SPOCK3: variants seen among roughly 807,000 people sequenced by gnomAD.
SPOCK3 encodes the protein SPARC (osteonectin), cwcv and kazal like domains proteoglycan 3, also known as testican-3.
Under a neutral mutation model 56.6 loss-of-function variants are expected in SPOCK3, and 30 were observed. That is an observed-to-expected ratio of 0.53 (90% CI 0.40 to 0.72). SPOCK3 has a LOEUF of 0.72. Among genes scored for constraint, SPOCK3 ranks in the 30% least tolerant of loss-of-function variants. The probability of loss-of-function intolerance (pLI) is 0.00; values close to 1 mark genes in which losing one functional copy is unlikely to be tolerated. For synonymous variants in SPOCK3, 196 were observed against 183.3 expected, an observed-to-expected ratio of 1.07 and a Z score of -0.56; for missense variants, 527 against 530.0, an observed-to-expected ratio of 0.99 and a Z score of 0.06.
intron 6 of SPOCK3, among the ~76,000 whole-genome samples, chr4:166,798,899 C>T (rs767530601): frequency 1.3e-5 from 2 of 151,996 alleles, no homozygotes; most frequent in Non-Finnish European, 1.5e-5. Context: ...ATCAGATAAG[C>T]TGATTGTGCA....
chr4:166,837,034 T>A (rs890123444), intron 6 of SPOCK3, among the ~76,000 whole-genome samples: 8 of 152,218 alleles, frequency 5.3e-5, no homozygotes, highest in African/African-American at 1.9e-4. Context: ...ATGGTTCCTA[T>A]ACCTGTTGCA....
chr4:167,173,575 G>GAC (rs1730691646), intron 2 of SPOCK3, among the ~76,000 whole-genome samples: 1 of 152,076 alleles, frequency 6.6e-6, no homozygotes, highest in African/African-American at 2.4e-5. Flanking sequence ...CAAGAAAAAT[G>GAC]TGTTATAATA....
At chr4:166,992,161 T>C (rs1747861316) in intron 4 of SPOCK3, among the ~76,000 whole-genome samples, 1 of 152,032 alleles carries the variant, frequency 6.6e-6, no homozygotes, top group Non-Finnish European at 1.5e-5. Context: ...GGTAAGTGTG[T>C]TTGTGTAAAT....
intron 6 of SPOCK3, among the ~76,000 whole-genome samples, chr4:166,798,310 C>T (rs763310047): frequency 2.0e-5 from 3 of 152,130 alleles, no homozygotes; most frequent in Non-Finnish European, 4.4e-5. Context: ...GATTGTGTAA[C>T]CTCAGTTGAT....
At chr4:167,208,000 G>A (rs927942232) in intron 2 of SPOCK3, among the ~76,000 whole-genome samples, 1 of 152,120 alleles carries the variant, frequency 6.6e-6, no homozygotes, top group Non-Finnish European at 1.5e-5. Context: ...GGCCTTCTGA[G>A]CTTCTCAGGT....
intron 2 of SPOCK3, among the ~76,000 whole-genome samples, chr4:167,167,322 G>A (rs923196744): frequency 2.6e-5 from 4 of 152,190 alleles, no homozygotes; most frequent in Non-Finnish European, 4.4e-5. Flanking sequence ...CTAAGATTGC[G>A]TTTTGGTGAG....
At chr4:166,942,583 A>C (rs1741226344) in intron 4 of SPOCK3, among the ~76,000 whole-genome samples, 1 of 152,114 alleles carries the variant, frequency 6.6e-6, no homozygotes, top group Non-Finnish European at 1.5e-5. Flanking sequence ...TCCAATTTTC[A>C]TAGAACACTA....
chr4:166,892,944 A>T (rs1734946253), intron 5 of SPOCK3, among the ~76,000 whole-genome samples: 2 of 152,118 alleles, frequency 1.3e-5, no homozygotes, highest in African/African-American at 4.8e-5. Flanking sequence ...ACCAGCTTTC[A>T]AACTGATGAA....
At chr4:167,056,646 C>T (rs1292522777) in intron 3 of SPOCK3, among the ~76,000 whole-genome samples, 1 of 152,208 alleles carries the variant, frequency 6.6e-6, no homozygotes, top group South Asian at 2.1e-4. Context: ...AATGCAGAAG[C>T]CTCAGGAGCC....
At chr4:166,819,623 C>CAA (rs1340349751) in intron 6 of SPOCK3, among the ~76,000 whole-genome samples, 1 of 151,890 alleles carries the variant, frequency 6.6e-6, no homozygotes, top group East Asian at 1.9e-4. Context: ...ATTCCATTCA[C>CAA]AAAAGTATCA....
intron 2 of SPOCK3, among the ~76,000 whole-genome samples, chr4:167,211,569 G>A (rs116833679): frequency 0.032 from 4,814 of 152,186 alleles, 87 homozygotes; most frequent in Admixed American, 0.069. Flanking sequence ...TGCTGTTCTC[G>A]TGATAGTGTA....
chr4:167,104,178 A>G (rs1759895158), intron 2 of SPOCK3, among the ~76,000 whole-genome samples: 1 of 152,160 alleles, frequency 6.6e-6, no homozygotes, highest in East Asian at 1.9e-4. Flanking sequence ...CCAGACACCA[A>G]CAAACGTCAA....
At chr4:167,177,801 T>C (rs1731113751) in intron 2 of SPOCK3, among the ~76,000 whole-genome samples, 1 of 152,146 alleles carries the variant, frequency 6.6e-6, no homozygotes, top group Non-Finnish European at 1.5e-5. Context: ...CAGAATCATC[T>C]TGTCTGATGT....
At chr4:166,948,674 A>G (rs1287596463) in intron 4 of SPOCK3, among the ~76,000 whole-genome samples, 1 of 152,136 alleles carries the variant, frequency 6.6e-6, no homozygotes, top group Non-Finnish European at 1.5e-5. Flanking sequence ...CTTTTAAGAA[A>G]TATCTATTCA....
intron 6 of SPOCK3, among the ~76,000 whole-genome samples, chr4:166,871,584 A>T (rs948810605): frequency 1.3e-5 from 2 of 151,662 alleles, no homozygotes; most frequent in African/African-American, 2.4e-5. Context: ...AACAAAGAAA[A>T]GATCTGCCAA....
intron 4 of SPOCK3, among the ~76,000 whole-genome samples, chr4:166,995,492 A>G (rs1290996975): frequency 6.6e-6 from 1 of 152,104 alleles, no homozygotes; most frequent in African/African-American, 2.4e-5. Context: ...CATAAAATTG[A>G]TAATTATGGA....
chr4:167,205,489 A>ATTT (rs1734142680), intron 2 of SPOCK3, among the ~76,000 whole-genome samples: 1 of 54,352 alleles, frequency 1.8e-5, no homozygotes, highest in Non-Finnish European at 3.0e-5. Flanking sequence ...TATAATATAT[A>ATTT]ATATATAATA....
At chr4:166,935,269 C>T (rs76441792) in intron 4 of SPOCK3, among the ~76,000 whole-genome samples, 3,183 of 152,180 alleles carry the variant, frequency 0.021, 68 homozygotes, top group Non-Finnish European at 0.034. Context: ...GATAATATCT[C>T]CCTCAGCAAA....
At chr4:166,890,566 C>G (rs1372863756) in intron 5 of SPOCK3, among the ~76,000 whole-genome samples, 1 of 151,910 alleles carries the variant, frequency 6.6e-6, no homozygotes, top group Non-Finnish European at 1.5e-5. Flanking sequence ...GCTTGATTTT[C>G]TTTGTAAACA....
Sources: allele counts gnomAD v4.1 joint callset (sites outside exome capture counted in the v4.1 genomes callset), GRCh38; gene constraint gnomAD v4.1.1; transcripts MANE v1.5; gene names NCBI Gene and HGNC (gene_info 2026-07-23, HGNC 2026-07-21).